ATP6V0A1: variants seen among roughly 807,000 people sequenced by gnomAD.
The protein encoded by ATP6V0A1 is V-type proton ATPase 116 kDa subunit a 1.
In ATP6V0A1, 43 loss-of-function variants were observed where a neutral mutation model predicts 105.4. That is an observed-to-expected ratio of 0.41 (90% CI 0.32 to 0.53). The LOEUF (loss-of-function observed/expected upper bound fraction) is 0.53, where lower values mean the gene tolerates loss of function less well. ATP6V0A1 is among the 20% of genes least tolerant of loss of function. The pLI is 0.30. For synonymous variants in ATP6V0A1, 362 were observed against 372.8 expected (o/e 0.97, Z 0.33); for missense variants, 676 against 1,051.1 (o/e 0.64, Z 4.93).
chr17:42,472,552 G>A (rs963615877), intron 5 of ATP6V0A1, among the ~76,000 whole-genome samples: 1 of 74 alleles, frequency 0.014, no homozygotes, highest in Non-Finnish European at 0.036. Context: ...GTGAAACCCC[G>A]TCTTCTACTA....
intron 4 of ATP6V0A1, among the ~76,000 whole-genome samples, chr17:42,468,450 C>G (rs991163181): frequency 1.3e-5 from 2 of 152,094 alleles, no homozygotes; most frequent in African/African-American, 2.4e-5. Flanking sequence ...TATAGGCACC[C>G]TACTCTGCTA....
chr17:42,499,579 G>C (rs2091492657), intron 15 of ATP6V0A1, among the ~76,000 whole-genome samples: 1 of 151,954 alleles, frequency 6.6e-6, no homozygotes, highest in Admixed American at 6.6e-5. Context: ...TTGAGGTCAG[G>C]AGTTCAAGAC....
At chr17:42,460,166 C>T (rs560463770) in intron 1 of ATP6V0A1, 2 of 152,266 alleles carry the variant, frequency 1.3e-5, no homozygotes, top group East Asian at 1.9e-4. Flanking sequence ...TTCTCTGTGG[C>T]TTGATAAAAC....
intron 14 of ATP6V0A1, 175 bp downstream of exon 14, chr17:42,495,891 G>A (rs921366936): frequency 1.1e-5 from 6 of 552,802 alleles, no homozygotes; most frequent in African/African-American, 3.8e-5. Context: ...AGGTCAGCAT[G>A]GTGAAACCCT....
intron 14 of ATP6V0A1, chr17:42,496,480 T>A (rs920696771): frequency 6.6e-6 from 1 of 152,142 alleles, no homozygotes; most frequent in Non-Finnish European, 1.5e-5. Flanking sequence ...GTCTTCTTTA[T>A]TGTGTGCTGT....
chr17:42,488,354 A>G (rs2090309556), intron 10 of ATP6V0A1, among the ~76,000 whole-genome samples: 1 of 152,208 alleles, frequency 6.6e-6, no homozygotes, highest in Non-Finnish European at 1.5e-5. Flanking sequence ...CTTAATTGTG[A>G]AAGGTTCTTA....
At chr17:42,507,015 G>A (rs1466191000) in intron 17 of ATP6V0A1, among the ~76,000 whole-genome samples, 1 of 152,088 alleles carries the variant, frequency 6.6e-6, no homozygotes, top group African/African-American at 2.4e-5. Flanking sequence ...GCAGAGACAT[G>A]GTACATTTCT....
chr17:42,467,943 T>C (rs2087326354), intron 3 of ATP6V0A1, 67 bp from the exon 4 acceptor site: 2 of 1,072,290 alleles, frequency 1.9e-6, no homozygotes, highest in Admixed American at 4.8e-5. Flanking sequence ...GTTAATTCTT[T>C]TCCTTAAATA....
chr17:42,520,079 C>T, intron 21 of ATP6V0A1: 1 of 202,842 alleles, frequency 4.9e-6, no homozygotes, highest in Non-Finnish European at 1.0e-5. Flanking sequence ...TCAAAGCCCT[C>T]ACCCTGCACG....
rs564317081 is a variant in ATP6V0A1, at chr17:42,461,321, T to TA, written c.117+317dup. Among the ~76,000 whole-genome samples the TA allele has an allele frequency of 5.3e-5, 8 of 152,198 alleles. No individual in the cohort carries two copies. In the East Asian group the frequency reaches 1.2e-3, roughly 22 times the overall value. On this transcript the variant is annotated intron_variant, in intron 2 of 21. Coordinates refer to ENST00000343619, the MANE Select transcript of ATP6V0A1 (RefSeq NM_001130021.3). ...TTCACTTGCTAAATAGCAAGGTATT[T>TA]AAAAAAATATATTGCAGTTTTTCCA...
At chr17:42,463,801 C>T (rs1175943687) in intron 2 of ATP6V0A1, among the ~76,000 whole-genome samples, 1 of 152,012 alleles carries the variant, frequency 6.6e-6, no homozygotes, top group Non-Finnish European at 1.5e-5. Flanking sequence ...GACCAGAAGC[C>T]CTACCAATTT....
At position 42,495,187 on chromosome 17, in the gene ATP6V0A1, A is replaced by G; in HGVS notation, c.1468A>G (p.Thr490Ala). ...ACGGCCGATGTTTACTTATAATTGG[A>G]CGTAAGTTGCAGAAGAAGCTAAAAT... ...SVRPMFTYNW[T>A]EETLRGNPVL... Residue 490 changes from threonine (T) to alanine (A), a missense_variant and splice_region_variant, in exon 13 of 22, where the codon ACT (threonine) becomes GCT (alanine). By Grantham distance (58) the Thr-to-Ala change is moderately conservative. Coordinates refer to ENST00000343619, the MANE Select transcript of ATP6V0A1 (RefSeq NM_001130021.3). 6.2e-7 allele frequency: 1 copy of G among 1,613,200 alleles called. No individual in the cohort carries two copies. The highest frequency in any genetic ancestry group is 8.5e-7 in the Non-Finnish European group (1 of 1,179,424).
chr17:42,481,552 C>A (rs2089506236), intron 8 of ATP6V0A1, among the ~76,000 whole-genome samples: 1 of 151,992 alleles, frequency 6.6e-6, no homozygotes, highest in Non-Finnish European at 1.5e-5. Flanking sequence ...ACCATCAGAA[C>A]CACAGTTGTG....
At chr17:42,489,736 A>T (rs944339444) in intron 10 of ATP6V0A1, among the ~76,000 whole-genome samples, 1 of 152,144 alleles carries the variant, frequency 6.6e-6, no homozygotes, top group Non-Finnish European at 1.5e-5. Context: ...TGGTAAGTTC[A>T]GTTCCGGGCA....
intron 5 of ATP6V0A1, 109 bp downstream of exon 5, chr17:42,470,327 C>A: frequency 7.5e-7 from 1 of 1,334,330 alleles, no homozygotes; most frequent in Non-Finnish European, 1.0e-6. Context: ...GGAAGCAATG[C>A]CATTTTTGCA....
rs1330188589 is a variant in ATP6V0A1, at chr17:42,495,804, TG to T, written c.1560+89del. 6 of 1,210,688 alleles carry T rather than the reference TG, an allele frequency of 5.0e-6. No homozygotes were observed. In the Admixed American group the frequency reaches 7.6e-5, roughly 15 times the overall value. 75.0% of individuals were successfully genotyped at this position (1,210,688 alleles called of 1,614,324 possible). ...GAATTAAAATGAAGATAAATAGTTA[TG>T]TGGGCTTTCACTGGGCATGGTCGCT... is the stretch of plus-strand genomic sequence containing the variant. On this transcript the variant is annotated intron_variant, in intron 14 of 21. Transcript: ENST00000343619.
chr17:42,499,535 C>G (rs560562198), intron 15 of ATP6V0A1, among the ~76,000 whole-genome samples: 2 of 151,886 alleles, frequency 1.3e-5, no homozygotes, highest in South Asian at 4.2e-4. Context: ...CACTTGTAAT[C>G]CAGCACTTTG....
At chr17:42,478,114 A>G (rs1389074493) in intron 6 of ATP6V0A1, among the ~76,000 whole-genome samples, 1 of 151,474 alleles carries the variant, frequency 6.6e-6, no homozygotes, top group Admixed American at 6.6e-5. Context: ...CACAAGGACA[A>G]AAAACCAAAC....
intron 2 of ATP6V0A1, among the ~76,000 whole-genome samples, chr17:42,462,346 C>T (rs1234700942): frequency 1.3e-5 from 2 of 152,120 alleles, no homozygotes; most frequent in East Asian, 1.9e-4. Context: ...CCAGTCCTTT[C>T]TTCCACCCCA....
Sources: allele counts gnomAD v4.1 joint callset (sites outside exome capture counted in the v4.1 genomes callset), GRCh38; gene constraint gnomAD v4.1.1; transcripts MANE v1.5; gene names NCBI Gene and HGNC (gene_info 2026-07-23, HGNC 2026-07-21).